NAALADL2: variants seen among roughly 807,000 people sequenced by gnomAD.
NAALADL2 encodes N-acetylated alpha-linked acidic dipeptidase like 2.
A neutral mutation model predicts 87.2 loss-of-function variants in NAALADL2; 76 were observed. That is an observed-to-expected ratio of 0.87 (90% CI 0.72 to 1.05). The LOEUF (loss-of-function observed/expected upper bound fraction) is 1.05, where lower values mean the gene tolerates loss of function less well. Among genes scored for constraint, NAALADL2 ranks in the 50% least tolerant of loss-of-function variants. NAALADL2 has a pLI of 0.00. For synonymous variants in NAALADL2, 354 were observed against 331.0 expected (o/e 1.07, Z -0.75); for missense variants, 1,089 against 945.8 (o/e 1.15, Z -1.99).
chr3:174,573,300 C>T (rs1395139313), intron 2 of NAALADL2, among the ~76,000 whole-genome samples: 1 of 152,028 alleles, frequency 6.6e-6, no homozygotes, highest in Non-Finnish European at 1.5e-5. Flanking sequence ...TATGGTCTTA[C>T]TCTGTTGCCC....
At chr3:174,616,096 C>CT (rs891104282) in intron 2 of NAALADL2, among the ~76,000 whole-genome samples, 4 of 151,896 alleles carry the variant, frequency 2.6e-5, no homozygotes, top group African/African-American at 7.2e-5. Flanking sequence ...ATTTGCCCCC[C>CT]TGTACCCAGA....
In NAALADL2 at chr3:175,730,433, T is replaced by TAC. The variant is rs1410746829; in HGVS notation, c.1897-6872_1897-6871insCA. ...ATATATATATATATATATATATATA[T>TAC]ATATATATATACACACATACACACG... On this transcript the variant is annotated intron_variant, in intron 11 of 13. Transcript: ENST00000454872. Among the ~76,000 whole-genome samples, 6 of 84,032 alleles carry TAC rather than the reference T, an allele frequency of 7.1e-5. No homozygotes were observed. The South Asian group carries it at 1.8e-3, about 25-fold the overall frequency. 55.1% of individuals were successfully genotyped at this position (84,032 alleles called of 152,430 possible).
intron 2 of NAALADL2, among the ~76,000 whole-genome samples, chr3:175,105,691 G>A (rs1229046503): frequency 1.4e-5 from 2 of 147,136 alleles, no homozygotes; most frequent in Admixed American, 1.4e-4. Flanking sequence ...ACATCCCTTT[G>A]ATTTTTAAAC....
chr3:174,905,643 A>T (rs1732871097), intron 1 of NAALADL2, among the ~76,000 whole-genome samples: 1 of 152,044 alleles, frequency 6.6e-6, no homozygotes, highest in African/African-American at 2.4e-5. Context: ...ACAAAGCAAA[A>T]CATTTTATCT....
At chr3:175,724,959 G>T (rs914660707) in intron 11 of NAALADL2, among the ~76,000 whole-genome samples, 1 of 151,852 alleles carries the variant, frequency 6.6e-6, no homozygotes, top group South Asian at 2.1e-4. Context: ...TAATGTGATT[G>T]CTTTCATTTA....
At position 175,768,236 on chromosome 3, in the gene NAALADL2, A is replaced by G. The variant is rs117647343; in HGVS notation, c.2189+12818A>G. 4.5e-4 allele frequency among the ~76,000 whole-genome samples: 68 copies of G among 152,186 alleles called. 3 individuals carry two copies. In the East Asian group the frequency reaches 0.012, roughly 28 times the overall value. ...AACTCGTGTACCAGGCACTTCATATACTCGATGCATATCTCTGGTCTTCAC... is the reference window on the plus strand; with the variant it reads ...AACTCGTGTACCAGGCACTTCATATGCTCGATGCATATCTCTGGTCTTCAC... On this transcript the variant is annotated intron_variant, in intron 13 of 13. Transcript: ENST00000454872.
chr3:175,422,029 A>C (rs1429196605), intron 5 of NAALADL2, among the ~76,000 whole-genome samples: 1 of 152,118 alleles, frequency 6.6e-6, no homozygotes, highest in East Asian at 1.9e-4. Context: ...CAGAGCAGGA[A>C]GGACACACCC....
intron 1 of NAALADL2, among the ~76,000 whole-genome samples, chr3:174,865,198 T>C (rs796487266): frequency 3.0e-4 from 46 of 152,008 alleles, no homozygotes; most frequent in African/African-American, 1.1e-3. Context: ...CAAAAAAAAA[T>C]AATAAAGTTA....
intron 3 of NAALADL2, among the ~76,000 whole-genome samples, chr3:174,752,241 G>C (rs997839821): frequency 1.3e-5 from 2 of 152,124 alleles, no homozygotes; most frequent in Admixed American, 1.3e-4. Context: ...CTCCCAAAGT[G>C]CTGGGATTAC....
At chr3:175,549,115 T>TAC (rs1323916015) in intron 9 of NAALADL2, among the ~76,000 whole-genome samples, 1 of 148,238 alleles carries the variant, frequency 6.7e-6, no homozygotes, top group Non-Finnish European at 1.5e-5. Flanking sequence ...TTTTTGATAC[T>TAC]ATATACATAC....
At chr3:175,106,299 G>T (rs757294353) in intron 2 of NAALADL2, among the ~76,000 whole-genome samples, 3 of 151,912 alleles carry the variant, frequency 2.0e-5, no homozygotes, top group Non-Finnish European at 4.4e-5. Context: ...TAATTAGCGG[G>T]ATCTATTTTA....
chr3:175,540,052 C>T (rs932612039), intron 9 of NAALADL2, among the ~76,000 whole-genome samples: 1 of 152,156 alleles, frequency 6.6e-6, no homozygotes, highest in Non-Finnish European at 1.5e-5. Context: ...TTATTCAACA[C>T]ATGGATAGGA....
At chr3:175,590,504 A>AACTT (rs1453172925) in intron 10 of NAALADL2, among the ~76,000 whole-genome samples, 1 of 152,120 alleles carries the variant, frequency 6.6e-6, no homozygotes, top group Non-Finnish European at 1.5e-5. Context: ...ATTTGTGATT[A>AACTT]ACTTAATAAT....
intron 9 of NAALADL2, among the ~76,000 whole-genome samples, chr3:175,483,314 T>C (rs1439668470): frequency 6.7e-6 from 1 of 148,850 alleles, no homozygotes; most frequent in African/African-American, 2.5e-5. Context: ...TGCAATTGAC[T>C]TTACTTTTTG....
At chr3:175,201,197 T>G (rs1241142599) in intron 2 of NAALADL2, among the ~76,000 whole-genome samples, 1 of 152,164 alleles carries the variant, frequency 6.6e-6, no homozygotes, top group Non-Finnish European at 1.5e-5. Context: ...TGCCTAACCC[T>G]TTCCCCAGGC....
intron 1 of NAALADL2, among the ~76,000 whole-genome samples, chr3:175,031,664 T>C (rs1405691031): frequency 6.6e-6 from 1 of 152,082 alleles, no homozygotes; most frequent in Non-Finnish European, 1.5e-5. Context: ...CAAATGGTAG[T>C]TCTGTATTTA....
At chr3:175,296,438 A>G (rs1756382680) in intron 4 of NAALADL2, among the ~76,000 whole-genome samples, 1 of 152,094 alleles carries the variant, frequency 6.6e-6, no homozygotes, top group East Asian at 1.9e-4. Context: ...AAATAAGATG[A>G]TCTTAGGCAT....
intron 5 of NAALADL2, among the ~76,000 whole-genome samples, chr3:175,366,629 A>C (rs1176719249): frequency 1.3e-5 from 2 of 151,496 alleles, no homozygotes; most frequent in Non-Finnish European, 2.9e-5. Flanking sequence ...GCATTTTTTC[A>C]TGTGTCTGTT....
At chr3:175,065,387 C>T (rs183248465) in intron 1 of NAALADL2, among the ~76,000 whole-genome samples, 43 of 152,254 alleles carry the variant, frequency 2.8e-4, no homozygotes, top group African/African-American at 8.9e-4. Context: ...TAGATTCTTT[C>T]AGAGTCAAAA....
Sources: gnomAD v4.1 joint callset for allele counts (sites outside exome capture counted in the v4.1 genomes callset) on GRCh38, gnomAD v4.1.1 for gene constraint, MANE v1.5 for transcripts, NCBI Gene and HGNC (gene_info 2026-07-23, HGNC 2026-07-21) for gene names.